PAPSS1: variants seen among roughly 807,000 people sequenced by gnomAD.
PAPSS1 encodes bifunctional 3'-phosphoadenosine 5'-phosphosulfate synthase 1.
In PAPSS1, 50 loss-of-function variants were observed where a neutral mutation model predicts 72.0. The observed-to-expected ratio is 0.69, with a 90% confidence interval of 0.55 to 0.88. The LOEUF (loss-of-function observed/expected upper bound fraction) is 0.88, where lower values mean the gene tolerates loss of function less well. Ranked by LOEUF, PAPSS1 falls within the 40% of genes least tolerant of loss-of-function variation. PAPSS1 has a pLI of 0.00. For missense variants in PAPSS1, 657 were observed against 782.2 expected (o/e 0.84, Z 1.91); for synonymous variants, 261 against 263.6 (o/e 0.99, Z 0.09).
rs1279664377 is a variant in PAPSS1, at chr4:107,720,089, C to T, written c.60+31G>A. 4 of 1,595,520 alleles carry T rather than the reference C, an allele frequency of 2.5e-6. No homozygotes were observed. The South Asian group carries it at 3.4e-5, about 13-fold the overall frequency. On this transcript the variant is annotated intron_variant, in intron 1 of 11. Coordinates refer to ENST00000265174, the MANE Select transcript of PAPSS1 (RefSeq NM_005443.5). ...GAGCTGCTCCCACAGCCCCTCCGCT[C>T]CTCGCCGTCTCGCCTTCGTCCCCAG...
chr4:107,704,426 T>G (rs1052031996), intron 1 of PAPSS1, among the ~76,000 whole-genome samples: 1 of 152,250 alleles, frequency 6.6e-6, no homozygotes. Flanking sequence ...CTCCTGATCT[T>G]AGAGGGAAAG....
chr4:107,622,720 A>G (rs960763035), intron 11 of PAPSS1, among the ~76,000 whole-genome samples: 1 of 152,256 alleles, frequency 6.6e-6, no homozygotes, highest in Admixed American at 6.5e-5. Flanking sequence ...TCTTGCCATC[A>G]GAACACTTTT....
intron 5 of PAPSS1, among the ~76,000 whole-genome samples, chr4:107,668,818 C>T (rs1257730746): frequency 6.6e-6 from 1 of 151,958 alleles, no homozygotes; most frequent in East Asian, 1.9e-4. Flanking sequence ...TATATATGTA[C>T]GTATATTCCA....
intron 5 of PAPSS1, among the ~76,000 whole-genome samples, chr4:107,667,041 A>G (rs1727337975): frequency 6.6e-6 from 1 of 152,158 alleles, no homozygotes; most frequent in Admixed American, 6.5e-5. Context: ...CCAAGTCACC[A>G]TCACAGGGTT....
chr4:107,682,978 G>T (rs952508999), intron 4 of PAPSS1, among the ~76,000 whole-genome samples: 2 of 152,086 alleles, frequency 1.3e-5, no homozygotes, highest in South Asian at 2.1e-4. Context: ...TTTTCCTATG[G>T]TATATGTGTT....
At chr4:107,681,843 T>C (rs1722623096) in intron 5 of PAPSS1, among the ~76,000 whole-genome samples, 172 bp downstream of exon 5, 1 of 152,054 alleles carries the variant, frequency 6.6e-6, no homozygotes, top group Non-Finnish European at 1.5e-5. Flanking sequence ...TTCACGGTGC[T>C]CCCCACAACA....
At chr4:107,709,054 A>G (rs2726173) in intron 1 of PAPSS1, among the ~76,000 whole-genome samples, 126,199 of 152,240 alleles carry the variant, frequency 0.83, 54,040 homozygotes, top group South Asian at 0.95. Flanking sequence ...TAAATCTTCT[A>G]CCATGCAGCT....
chr4:107,621,782 G>C (rs951774148), intron 11 of PAPSS1, among the ~76,000 whole-genome samples: 4 of 151,200 alleles, frequency 2.6e-5, no homozygotes, highest in African/African-American at 9.7e-5. Flanking sequence ...CACCACGCCT[G>C]GCTAATTTTT....
chr4:107,654,654 T>C (rs200618685), intron 8 of PAPSS1, 41 bp downstream of exon 8: 38 of 1,499,328 alleles, frequency 2.5e-5, no homozygotes, highest in African/African-American at 1.5e-4. Context: ...ACAAACATCA[T>C]TGGCAAATCA....
chr4:107,626,477 G>C (rs1303883872), intron 11 of PAPSS1, among the ~76,000 whole-genome samples: 12 of 152,148 alleles, frequency 7.9e-5, no homozygotes, highest in Non-Finnish European at 1.5e-5. Context: ...TGAAAGAATG[G>C]ACTTTAATCT....
At chr4:107,641,080 A>G (rs1427096389) in intron 10 of PAPSS1, among the ~76,000 whole-genome samples, 4 of 152,200 alleles carry the variant, frequency 2.6e-5, no homozygotes, top group African/African-American at 9.6e-5. Context: ...ACAGAACACT[A>G]ACTAGTCAGG....
At chr4:107,636,731 T>C (rs529545859) in intron 10 of PAPSS1, among the ~76,000 whole-genome samples, 1 of 152,268 alleles carries the variant, frequency 6.6e-6, no homozygotes, top group Non-Finnish European at 1.5e-5. Flanking sequence ...AAATAAATAA[T>C]ACTTAGGTTC....
At chr4:107,719,144 G>A (rs1193300893) in intron 1 of PAPSS1, among the ~76,000 whole-genome samples, 1 of 150,020 alleles carries the variant, frequency 6.7e-6, no homozygotes, top group Non-Finnish European at 1.5e-5. Flanking sequence ...CAACAGATGT[G>A]GTAAATTAAT....
chr4:107,719,787 C>T, intron 1 of PAPSS1: 1 of 1,175,266 alleles, frequency 8.5e-7, no homozygotes, highest in East Asian at 5.4e-5. Context: ...GTTTCAGCAC[C>T]CGGAGGTTTC....
chr4:107,695,502 C>A (rs915770501), intron 2 of PAPSS1, among the ~76,000 whole-genome samples: 1 of 152,100 alleles, frequency 6.6e-6, no homozygotes, highest in Non-Finnish European at 1.5e-5. Flanking sequence ...TGCCTGATCG[C>A]CCTGGCCAGA....
intron 11 of PAPSS1, among the ~76,000 whole-genome samples, chr4:107,623,502 T>A (rs924997969): frequency 6.6e-6 from 1 of 152,152 alleles, no homozygotes; most frequent in Non-Finnish European, 1.5e-5. Flanking sequence ...GGGTTTTTTG[T>A]TTGTTTGTTT....
At position 107,614,138 on chromosome 4, in the gene PAPSS1, G is replaced by C; in HGVS notation, c.*111C>G. 2 of 1,175,036 alleles carry C rather than the reference G, an allele frequency of 1.7e-6. No individual in the cohort carries two copies. Among genetic ancestry groups the C allele is most frequent in the Non-Finnish European group, 2.4e-6 (2 of 833,722 alleles). 72.8% of individuals were successfully genotyped at this position (1,175,036 alleles called of 1,614,324 possible). On this transcript the variant is annotated 3_prime_UTR_variant, in exon 12 of 12. Coordinates refer to ENST00000265174, the MANE Select transcript of PAPSS1 (RefSeq NM_005443.5). ...TGATGCAAGTTAAGGAAAATGGTCT[G>C]TTTTTAGGAAGCATGTCCAGACAGA... is the stretch of plus-strand genomic sequence containing the variant.
rs751961725 is a variant in PAPSS1 at position 107,720,206 on chromosome 4, G to A, written c.-27C>T. The stretch of plus-strand genomic sequence containing the variant: ...ACCGCGGAGCGCGCTGAGCAGCCGG[G>A]GTTCTCTGCGCCGGGAGGGTAGCAA... On this transcript the variant is annotated 5_prime_UTR_variant, in exon 1 of 12. Coordinates refer to ENST00000265174, the MANE Select transcript of PAPSS1 (RefSeq NM_005443.5). The A allele has an allele frequency of 5.6e-6, 9 of 1,593,778 alleles. No individual in the cohort carries two copies. The highest frequency in any genetic ancestry group is 1.7e-5 in the Admixed American group (1 of 58,440).
chr4:107,696,834 A>G (rs1723077568), intron 2 of PAPSS1, among the ~76,000 whole-genome samples: 1 of 152,196 alleles, frequency 6.6e-6, no homozygotes, highest in Admixed American at 6.5e-5. Flanking sequence ...GACTGTAGCC[A>G]GCTGCATTTT....
Sources: allele counts gnomAD v4.1 joint callset (sites outside exome capture counted in the v4.1 genomes callset), GRCh38; gene constraint gnomAD v4.1.1; transcripts MANE v1.5; gene names NCBI Gene and HGNC (gene_info 2026-07-23, HGNC 2026-07-21).